Variants in TMEM196 observed in about 807,000 individuals in gnomAD.
TMEM196 encodes transmembrane protein 196.
In TMEM196, 17 loss-of-function variants were observed where a neutral mutation model predicts 20.0. The ratio of observed to expected loss-of-function variants is 0.85; its 90% CI spans 0.58 to 1.27. The LOEUF (loss-of-function observed/expected upper bound fraction) is 1.27. Among genes scored for constraint, TMEM196 ranks in the 50% most tolerant of loss-of-function variants. TMEM196 has a pLI of 0.00. For synonymous variants in TMEM196, 113 were observed against 88.9 expected (o/e 1.27, Z -1.52); for missense variants, 267 against 223.0 (o/e 1.20, Z -1.26).
chr7:19,742,039 G>A (rs571657864), intron 1 of TMEM196, among the ~76,000 whole-genome samples: 1 of 152,166 alleles, frequency 6.6e-6, no homozygotes, highest in African/African-American at 2.4e-5. Context: ...TAGCCTTGAT[G>A]CACACACTAT....
At chr7:19,725,911 G>C (rs182736022) in intron 2 of TMEM196, 143 bp from the exon 3 acceptor site, 2 of 982,304 alleles carry the variant, frequency 2.0e-6, no homozygotes, top group Admixed American at 3.2e-5. Flanking sequence ...GAGGACAGGA[G>C]ATTTTTTTTT....
chr7:19,764,374 T>A (rs1217949218), intron 1 of TMEM196, among the ~76,000 whole-genome samples: 1 of 152,222 alleles, frequency 6.6e-6, no homozygotes, highest in Non-Finnish European at 1.5e-5. Flanking sequence ...TTTTCAAGAC[T>A]GGTACCATCT....
intron 2 of TMEM196, 126 bp downstream of exon 2, chr7:19,729,256 G>GGT (rs1554297886): frequency 0.01 from 4,467 of 433,478 alleles, 17 homozygotes; most frequent in East Asian, 0.04. Context: ...TTATTTGTCA[G>GGT]TTTTTTTTTT....
chr7:19,726,393 TA>T (rs1214302686), intron 2 of TMEM196, among the ~76,000 whole-genome samples: 17 of 152,066 alleles, frequency 1.1e-4, no homozygotes, highest in Non-Finnish European at 2.1e-4. Context: ...TCTCTTTTTT[TA>T]AAAAAAAGTT....
In TMEM196 at chr7:19,725,781, A is replaced by T; in HGVS notation, c.205-13T>A. 6.3e-7 allele frequency: 1 copy of T among 1,577,868 alleles called. No individual in the cohort carries two copies. Among genetic ancestry groups the T allele is most frequent in the Non-Finnish European group, 8.6e-7 (1 of 1,157,344 alleles). ...AAAAGAGGATCATCTGATAAGAAAA[A>T]GAAAGGCAGCGTTAAAGTTGAAAAG... On this transcript the variant is annotated splice_polypyrimidine_tract_variant and intron_variant, in intron 2 of 4. Transcript: ENST00000405844.
At chr7:19,730,086 C>T (rs1300803703) in intron 1 of TMEM196, among the ~76,000 whole-genome samples, 1 of 152,002 alleles carries the variant, frequency 6.6e-6, no homozygotes. Flanking sequence ...GAAACCCCGT[C>T]TCTACTAAAA....
intron 1 of TMEM196, among the ~76,000 whole-genome samples, chr7:19,768,565 C>A (rs898607111): frequency 7.2e-5 from 11 of 152,112 alleles, no homozygotes; most frequent in Admixed American, 5.9e-4. Flanking sequence ...AAATCTGATA[C>A]ATCAGTTATA....
intron 1 of TMEM196, among the ~76,000 whole-genome samples, chr7:19,734,217 A>G (rs1402139337): frequency 6.6e-6 from 1 of 152,200 alleles, no homozygotes; most frequent in East Asian, 1.9e-4. Flanking sequence ...TCACACTAAC[A>G]GCCTAAAAGT....
chr7:19,752,808 T>G (rs1785041360), intron 1 of TMEM196, among the ~76,000 whole-genome samples: 1 of 151,874 alleles, frequency 6.6e-6, no homozygotes, highest in African/African-American at 2.4e-5. Flanking sequence ...AGAGACAGGG[T>G]TTCACCATGT....
intron 1 of TMEM196, among the ~76,000 whole-genome samples, chr7:19,757,337 CTT>C (rs59859025): frequency 1.6e-3 from 116 of 70,864 alleles, no homozygotes; most frequent in East Asian, 5.5e-3. Flanking sequence ...CCACACCCAG[CTT>C]TTTTTTTTTT....
At chr7:19,761,107 T>C (rs142393809) in intron 1 of TMEM196, among the ~76,000 whole-genome samples, 95 of 152,338 alleles carry the variant, frequency 6.2e-4, no homozygotes, top group Non-Finnish European at 1.2e-3. Flanking sequence ...TCCAGATCCC[T>C]GAGCCTTCCT....
chr7:19,726,242 T>G (rs1343536520), intron 2 of TMEM196, among the ~76,000 whole-genome samples: 1 of 152,168 alleles, frequency 6.6e-6, no homozygotes, highest in African/African-American at 2.4e-5. Flanking sequence ...CAAACCCAGA[T>G]TTTTCTGATT....
Position 19,746,223 on chromosome 7 carries a change from CCACAA to C in TMEM196, c.148-16790_148-16786del, listed in dbSNP as rs1562618116. 2.0e-5 allele frequency among the ~76,000 whole-genome samples: 3 copies of C among 152,164 alleles called. No individual in the cohort carries two copies. The East Asian group carries it at 5.8e-4, about 29-fold the overall frequency. Reference sequence around the variant, plus strand: ...AATAATTTCTAATCAATAGAGCTGTCCACAACATAGCTTAAGTTTCCTCATAACAT... The same window carrying C: ...AATAATTTCTAATCAATAGAGCTGTCCATAGCTTAAGTTTCCTCATAACAT... On this transcript the variant is annotated intron_variant, in intron 1 of 4. Coordinates refer to ENST00000405844, the MANE Select transcript of TMEM196 (RefSeq NM_001363562.2).
intron 1 of TMEM196, among the ~76,000 whole-genome samples, chr7:19,758,009 A>T (rs1353704206): frequency 2.6e-5 from 4 of 151,530 alleles, no homozygotes; most frequent in African/African-American, 9.7e-5. Context: ...TGGTGTAGTA[A>T]ATTTATAAAT....
intron 2 of TMEM196, among the ~76,000 whole-genome samples, chr7:19,728,281 C>T (rs998645715): frequency 2.6e-5 from 4 of 151,948 alleles, no homozygotes; most frequent in African/African-American, 9.7e-5. Context: ...GTTGTTCCTA[C>T]ATAGTCATAA....
chr7:19,766,582 C>T (rs1017077343), intron 1 of TMEM196, among the ~76,000 whole-genome samples: 16 of 150,860 alleles, frequency 1.1e-4, no homozygotes, highest in African/African-American at 2.9e-4. Flanking sequence ...ATCATATACA[C>T]ATATATATAT....
At chr7:19,755,316 A>G (rs768880726) in intron 1 of TMEM196, among the ~76,000 whole-genome samples, 2 of 152,214 alleles carry the variant, frequency 1.3e-5, no homozygotes, top group Non-Finnish European at 2.9e-5. Flanking sequence ...TGCTATTAAA[A>G]TATATATTAA....
chr7:19,739,581 C>A (rs1452039757), intron 1 of TMEM196, among the ~76,000 whole-genome samples: 2 of 151,964 alleles, frequency 1.3e-5, no homozygotes, highest in African/African-American at 4.8e-5. Flanking sequence ...CTCTGGGCAG[C>A]CTGGGGAAAA....
Position 19,772,539 on chromosome 7 carries a change from C to G in TMEM196, c.147+11G>C, listed in dbSNP as rs1418042548. 1 of 1,538,424 alleles carries G rather than the reference C, an allele frequency of 6.5e-7. No individual in the cohort carries two copies. The highest frequency in any genetic ancestry group is 2.0e-5 in the Admixed American group (1 of 49,388). Reference sequence around the variant, plus strand: ...TGAAATGGCTCAACGTACACACACCCCGCTCCATACCGGGGACGAGTCTCC... The same window carrying G: ...TGAAATGGCTCAACGTACACACACCGCGCTCCATACCGGGGACGAGTCTCC... On this transcript the variant is annotated intron_variant, in intron 1 of 4. Coordinates refer to ENST00000405844, the MANE Select transcript of TMEM196 (RefSeq NM_001363562.2).
Sources: allele counts gnomAD v4.1 joint callset (sites outside exome capture counted in the v4.1 genomes callset), GRCh38; gene constraint gnomAD v4.1.1; transcripts MANE v1.5; gene names NCBI Gene and HGNC (gene_info 2026-07-23, HGNC 2026-07-21).